ZNF846: variants seen among roughly 807,000 people sequenced by gnomAD.
The protein encoded by ZNF846 is zinc finger protein 846, also known as zinc finger protein 420 pseudogene.
ZNF846 carries 15 observed loss-of-function variants against 16.0 expected under a neutral mutation model. That is an observed-to-expected ratio of 0.94 (90% CI 0.63 to 1.45). The LOEUF (loss-of-function observed/expected upper bound fraction) is 1.45. ZNF846 is among the 40% of genes most tolerant of loss of function. The pLI is 0.00. For missense variants in ZNF846, 714 were observed against 622.3 expected, an observed-to-expected ratio of 1.15 and a Z score of -1.57; for synonymous variants, 229 against 212.0, an observed-to-expected ratio of 1.08 and a Z score of -0.70.
chr19:9,769,241 G>A (rs1249857207), upstream of ZNF846, among the ~76,000 whole-genome samples: 1 of 151,536 alleles, frequency 6.6e-6, no homozygotes, highest in South Asian at 2.1e-4. Flanking sequence ...GGCCCATCAC[G>A]CCCAGCTAAG....
chr19:9,783,218 C>CTTTTTTTTTT (rs74183307), intron 1 of ZNF846, among the ~76,000 whole-genome samples: 1 of 65,406 alleles, frequency 1.5e-5, no homozygotes, highest in Non-Finnish European at 2.9e-5. Context: ...CCCTATAATT[C>CTTTTTTTTTT]TTTTTTTTTT....
At chr19:9,749,302 C>T (rs961264189), downstream of ZNF846, among the ~76,000 whole-genome samples, 7 of 152,222 alleles carry the variant, frequency 4.6e-5, no homozygotes, top group African/African-American at 1.7e-4. Flanking sequence ...TTGGACTGTG[C>T]CCCCAAGACT....
At chr19:9,762,927 C>T (rs2045252404) in intron 3 of ZNF846, among the ~76,000 whole-genome samples, 2 of 152,052 alleles carry the variant, frequency 1.3e-5, no homozygotes, top group South Asian at 4.2e-4. Flanking sequence ...GGTGGATCAC[C>T]TGAGGTCAGA....
intron 1 of ZNF846, among the ~76,000 whole-genome samples, chr19:9,777,530 G>A (rs930662493): frequency 6.6e-6 from 1 of 151,946 alleles, no homozygotes; most frequent in Admixed American, 6.6e-5. Context: ...AATTAGCTGG[G>A]CGTGGTGGCA....
downstream of ZNF846, among the ~76,000 whole-genome samples, chr19:9,749,698 T>G (rs897761921): frequency 2.6e-5 from 4 of 152,028 alleles, no homozygotes; most frequent in African/African-American, 9.7e-5. Context: ...AGTAAAAAAT[T>G]GTTGGCTATG....
downstream of ZNF846, among the ~76,000 whole-genome samples, chr19:9,749,409 T>A (rs2045066878): frequency 6.6e-6 from 1 of 152,096 alleles, no homozygotes; most frequent in Non-Finnish European, 1.5e-5. Context: ...AGTTTACCAG[T>A]TTACACTTTT....
chr19:9,749,550 T>C (rs1041979412), downstream of ZNF846, among the ~76,000 whole-genome samples: 7 of 148,180 alleles, frequency 4.7e-5, no homozygotes, highest in South Asian at 2.1e-4. Context: ...GTCTTTCTTT[T>C]TTTTTTTTTT....
At chr19:9,781,213 C>T (rs899274078) in intron 1 of ZNF846, among the ~76,000 whole-genome samples, 3 of 152,160 alleles carry the variant, frequency 2.0e-5, no homozygotes, top group Non-Finnish European at 4.4e-5. Flanking sequence ...GCAACCTCTG[C>T]CTCCCAGGTC....
chr19:9,782,406 A>C (rs891826702), intron 1 of ZNF846, among the ~76,000 whole-genome samples: 1 of 152,066 alleles, frequency 6.6e-6, no homozygotes, highest in African/African-American at 2.4e-5. Flanking sequence ...CTGGAACTTC[A>C]GGTGTGCACC....
At chr19:9,759,942 T>A (rs757171998) in exon 5 of ZNF846, 2 of 1,611,484 alleles carry the variant, frequency 1.2e-6, no homozygotes, top group South Asian at 2.2e-5. Context: ...CAAATCCAAT[T>A]CTGAAATAAA....
exon 6 of ZNF846, chr19:9,758,501 G>A: frequency 2.5e-6 from 4 of 1,613,598 alleles, no homozygotes; most frequent in Non-Finnish European, 3.4e-6. Flanking sequence ...TCTCTTGTGT[G>A]TGAGTTTTAT....
chr19:9,757,214 A>G (rs920910449), downstream of ZNF846, among the ~76,000 whole-genome samples: 1 of 151,558 alleles, frequency 6.6e-6, no homozygotes, highest in Non-Finnish European at 1.5e-5. Context: ...AAAGAAAAAT[A>G]AACAATAGTG....
Position 9,774,746 on chromosome 19 carries a change from C to T in ZNF846, c.-85-9711G>A, listed in dbSNP as rs528830672. On this transcript the variant is annotated intron_variant, in intron 1 of 4. Coordinates refer to the ZNF846 transcript ENST00000586814. ...TCACCCAAATATCGACGAAAAGGGG[C>T]AGGTCTGTCTGTCAGTAATTAGTGC... 3 of 1,559,422 alleles carry T rather than the reference C, an allele frequency of 1.9e-6. No homozygotes were observed. The Admixed American group carries it at 5.1e-5, about 27-fold the overall frequency.
rs568674697 is a variant in ZNF846 at position 9,760,707 on chromosome 19, GA to G, written c.230-766del. ...CAGAGTGAGACTCTGTGTCAAAAAA[GA>G]AAAAAATATATATATACATATATAT... On this transcript the variant is annotated intron_variant, in intron 4 of 5. Coordinates refer to ENST00000397902, the Ensembl canonical transcript of ZNF846. Among the ~76,000 whole-genome samples the G allele has an allele frequency of 1.7e-3, 252 of 149,764 alleles. 5 individuals are homozygous for G. The highest frequency in any genetic ancestry group is 5.9e-3 in the African/African-American group (236 of 40,322).
At chr19:9,752,916 A>G (rs535496981), downstream of ZNF846, among the ~76,000 whole-genome samples, 3 of 148,426 alleles carry the variant, frequency 2.0e-5, no homozygotes, top group East Asian at 5.8e-4. Flanking sequence ...ACAAAATACC[A>G]TAGACTGGTG....
chr19:9,777,113 A>AAAG (rs141980135), intron 1 of ZNF846, among the ~76,000 whole-genome samples: 1 of 151,420 alleles, frequency 6.6e-6, no homozygotes, highest in Non-Finnish European at 1.5e-5. Context: ...TCATTAAAAA[A>AAAG]AAGAAGAAGA....
exon 6 of ZNF846, chr19:9,758,200 G>A: frequency 6.2e-7 from 1 of 1,612,788 alleles, no homozygotes; most frequent in Non-Finnish European, 8.5e-7. Flanking sequence ...TATGAAGAAT[G>A]GGTGAAGGCT....
chr19:9,778,750 C>T (rs1246589550), intron 1 of ZNF846, among the ~76,000 whole-genome samples: 1 of 142,278 alleles, frequency 7.0e-6, no homozygotes, highest in Admixed American at 7.8e-5. Context: ...TTGCAGTGAG[C>T]TGAGATCATG....
chr19:9,763,538 T>A, intron 2 of ZNF846, 130 bp from the exon 3 acceptor site: 1 of 743,414 alleles, frequency 1.3e-6, no homozygotes, highest in East Asian at 2.8e-5. Flanking sequence ...TTCTCCTCTA[T>A]ATAGATATTG....
Sources: allele counts gnomAD v4.1 joint callset (sites outside exome capture counted in the v4.1 genomes callset), GRCh38; gene constraint gnomAD v4.1.1; transcripts MANE v1.5; gene names NCBI Gene and HGNC (gene_info 2026-07-23, HGNC 2026-07-21).